The following ATP2B3 variants were observed in gnomAD, a reference collection of about 807,000 sequenced individuals.
The protein encoded by ATP2B3 is ATPase plasma membrane Ca2+ transporting 3.
A neutral mutation model predicts 70.8 loss-of-function variants in ATP2B3; 12 were observed. The ratio of observed to expected loss-of-function variants is 0.17; its 90% CI spans 0.11 to 0.27. ATP2B3 has a LOEUF of 0.27. Among genes scored for constraint, ATP2B3 ranks in the 10% least tolerant of loss-of-function variants. The pLI is 1.00. For synonymous variants in ATP2B3, 460 were observed against 497.8 expected, an observed-to-expected ratio of 0.92 and a Z score of 1.01; for missense variants, 858 against 1,118.5, an observed-to-expected ratio of 0.77 and a Z score of 3.32.
At chrX:153,547,297 C>T (rs190481616) in intron 8 of ATP2B3, among the ~76,000 whole-genome samples, 76 of 110,420 alleles carry the variant, frequency 6.9e-4, no homozygotes, top group South Asian at 2.4e-3. Context: ...ACAGGACCCA[C>T]CAGGGAAGAA....
Position 153,558,237 on chromosome X carries a change from G to T in ATP2B3, c.2559G>T (p.Leu853=). 9.9e-6 allele frequency: 12 copies of T among 1,211,958 alleles called. No homozygotes were observed. Among genetic ancestry groups the T allele is most frequent in the Non-Finnish European group, 1.3e-5 (12 of 895,503 alleles). Residue 853 remains leucine (L), a synonymous_variant, in exon 17 of 22, where the codon CTG becomes CTT. Transcript: ENST00000263519. ...TCTATGACAGCATCTCCAAGTTCCT[G>T]CAGTTTCAACTGACGGTCAATGTGG... is the stretch of plus-strand genomic sequence containing the variant. ...RNVYDSISKF[L]QFQLTVNVVA...
rs1423416125 is a variant in ATP2B3 at position 153,580,451 on chromosome X, C to G, written c.*153C>G. 8 of 545,607 alleles carry G rather than the reference C, an allele frequency of 1.5e-5. No homozygotes were observed. Among genetic ancestry groups the G allele is most frequent in the Non-Finnish European group, 1.4e-5 (5 of 348,815 alleles). The allele number at this position is 545,607 out of a possible 1,213,427, so 45.0% of individuals were successfully genotyped here. A position where few individuals can be genotyped will look rare whatever the true frequency, so the allele number is the denominator to read the frequency against. On this transcript the variant is annotated 3_prime_UTR_variant, in exon 22 of 22. Transcript: ENST00000263519. ...GAAGACCTTTCTGGCAGGGCATTTG[C>G]AAGGACCCAAATCCATTCAACAAGG...
In ATP2B3 at chrX:153,556,924, C is replaced by G; in HGVS notation, c.2334C>G (p.Ile778Met). 1 of 1,188,523 alleles carries G rather than the reference C, an allele frequency of 8.4e-7. No homozygotes were observed. The highest frequency in any genetic ancestry group is 1.1e-6 in the Non-Finnish European group (1 of 883,321). Residue 778 changes from isoleucine to methionine, a missense_variant, in exon 16 of 22, where the codon ATC (isoleucine) becomes ATG (methionine). Transcript: ENST00000263519. Reference protein sequence around the residue: ...TDKHTLVKGIIDSTTGEQRQV... With the variant: ...TDKHTLVKGIMDSTTGEQRQV... ...CCCTGATCTGTCTTCCAGGGATTAT[C>G]GACAGCACCACTGGTGAGCAGCGGC...
chrX:153,547,688 G>A, intron 8 of ATP2B3, 147 bp from the exon 9 acceptor site: 1 of 734,294 alleles, frequency 1.4e-6, no homozygotes, highest in Non-Finnish European at 1.8e-6. Context: ...CGAGAGAAGG[G>A]AAGCTGATAG....
rs1229998618 is a variant in ATP2B3, at chrX:153,556,813, AG to A, written c.2327-101del. The A allele has an allele frequency of 2.7e-5, 22 of 824,680 alleles. No individual in the cohort carries two copies. The African/African-American group carries it at 4.3e-4, about 16-fold the overall frequency. 68.0% of individuals were successfully genotyped at this position (824,680 alleles called of 1,213,427 possible). On this transcript the variant is annotated intron_variant, in intron 15 of 21. Transcript: ENST00000263519. ...GACAGTCAGGACGGGGTAATCCCAA[AG>A]GGTTTTCACAGCCAACCTACCCCCA...
chrX:153,523,068 T>C (rs2089980844), intron 2 of ATP2B3, among the ~76,000 whole-genome samples: 1 of 112,263 alleles, frequency 8.9e-6, no homozygotes, highest in African/African-American at 3.2e-5. Flanking sequence ...CATTATACCA[T>C]GGGCTCAATT....
Position 153,541,455 on chromosome X carries a change from T to G in ATP2B3, c.305T>G (p.Val102Gly). Residue 102 changes from valine to glycine, a missense_variant, in exon 4 of 22, where the codon GTG becomes GGG. By Grantham distance (109) the Val-to-Gly change is moderately radical. This residue lies in a region of ATP2B3 where 278 missense variants were observed against 366.2 expected (regional missense o/e 0.76). Coordinates refer to ENST00000263519, the MANE Select transcript of ATP2B3 (RefSeq NM_001001344.3). The part of the protein sequence containing the change: ...PKQPKTFLQL[V>G]WEALQDVTLI... ...CAACCCAAGACCTTCCTGCAGCTGGTGTGGGAGGCCCTGCAGGACGTGACC... is the reference window on the plus strand; with the variant it reads ...CAACCCAAGACCTTCCTGCAGCTGGGGTGGGAGGCCCTGCAGGACGTGACC... 8.3e-7 allele frequency: 1 copy of G among 1,211,445 alleles called. No individual in the cohort carries two copies. The highest frequency in any genetic ancestry group is 1.1e-6 in the Non-Finnish European group (1 of 895,418).
chrX:153,562,262 C>G lies in ATP2B3; in HGVS notation c.3159+20C>G. On this transcript the variant is annotated intron_variant, in intron 20 of 21. Transcript: ENST00000263519. ...GGACAGGTGAGTGACAGCCCTGCCC[C>G]TCATTTCAGACTGCCCTGCAGACAG... is the stretch of plus-strand genomic sequence containing the variant. 1 of 1,185,420 alleles carries G rather than the reference C, an allele frequency of 8.4e-7. No individual in the cohort carries two copies. The highest frequency in any genetic ancestry group is 1.1e-6 in the Non-Finnish European group (1 of 873,920).
At chrX:153,553,368 G>A in intron 13 of ATP2B3, 99 bp downstream of exon 13, 1 of 732,797 alleles carries the variant, frequency 1.4e-6, no homozygotes, top group Non-Finnish European at 2.0e-6. Context: ...CACAGCTGCT[G>A]CGGTCCCTCC....
At chrX:153,575,041 G>A (rs782274109) in intron 21 of ATP2B3, 39 of 234,105 alleles carry the variant, frequency 1.7e-4, no homozygotes, top group Non-Finnish European at 2.6e-4. Flanking sequence ...CTAAGGATGC[G>A]TACTTGAGCT....
At chrX:153,575,734 G>C (rs1378150134) in intron 21 of ATP2B3, among the ~76,000 whole-genome samples, 1 of 112,413 alleles carries the variant, frequency 8.9e-6, no homozygotes, top group Non-Finnish European at 1.9e-5. Flanking sequence ...GCCGACAGGT[G>C]GAATGGAAGG....
chrX:153,558,264 G>A lies in ATP2B3; in HGVS notation c.2586G>A (p.Val862=). 1 of 1,211,855 alleles carries A rather than the reference G, an allele frequency of 8.3e-7. No individual in the cohort carries two copies. Among genetic ancestry groups the A allele is most frequent in the African/African-American group, 1.7e-5 (1 of 57,902 alleles). The change falls in exon 17 of 22, where the codon GTG becomes GTA. Residue 862 remains valine, a synonymous_variant. Coordinates refer to ENST00000263519, the MANE Select transcript of ATP2B3 (RefSeq NM_001001344.3). ...AGTTTCAACTGACGGTCAATGTGGTGGCTGTGATCGTGGCCTTCACAGGTG... is the reference window on the plus strand; with the variant it reads ...AGTTTCAACTGACGGTCAATGTGGTAGCTGTGATCGTGGCCTTCACAGGTG... ...FLQFQLTVNV[V]AVIVAFTGAC... is the part of the protein sequence containing the mutation.
intron 20 of ATP2B3, among the ~76,000 whole-genome samples, chrX:153,564,603 T>C (rs1372941324): frequency 8.9e-6 from 1 of 112,975 alleles, no homozygotes; most frequent in African/African-American, 3.2e-5. Flanking sequence ...TCATCAGCTC[T>C]GACTGCCATA....
chrX:153,561,166 G>A (rs1295625603), intron 19 of ATP2B3, among the ~76,000 whole-genome samples: 2 of 112,189 alleles, frequency 1.8e-5, no homozygotes, highest in Admixed American at 1.9e-4. Context: ...ACAGATGCTG[G>A]AAGGAGTCCT....
chrX:153,532,601 C>T (rs782735150), intron 2 of ATP2B3, among the ~76,000 whole-genome samples: 54 of 112,235 alleles, frequency 4.8e-4, no homozygotes, highest in Admixed American at 8.4e-4. Context: ...TCTCCCACCA[C>T]GAGGCCGGCC....
rs2090308134 is a variant in ATP2B3, at chrX:153,542,862, C to G, written c.791-181C>G. 4.4e-5 allele frequency among the ~76,000 whole-genome samples: 5 copies of G among 113,301 alleles called. No homozygotes were observed. In the Admixed American group the frequency reaches 4.6e-4, roughly 10 times the overall value. On this transcript the variant is annotated intron_variant, in intron 6 of 21. Coordinates refer to ENST00000263519, the MANE Select transcript of ATP2B3 (RefSeq NM_001001344.3). ...AAACGGGACAGGAAGGCTGGAGGCC[C>G]TAGGTGGGCCCTGTGGGCCTCGGGG...
intron 21 of ATP2B3, 22 bp downstream of exon 21, chrX:153,565,125 C>A (rs1557017776): frequency 8.6e-7 from 1 of 1,157,484 alleles, no homozygotes; most frequent in African/African-American, 1.8e-5. Context: ...CTCGCTCTCG[C>A]CCTGGCACTT....
chrX:153,550,724 G>A (rs1195936537), intron 12 of ATP2B3, among the ~76,000 whole-genome samples: 1 of 110,716 alleles, frequency 9.0e-6, no homozygotes, highest in Non-Finnish European at 1.9e-5. Flanking sequence ...AGTGTCCCCC[G>A]TAGCTGGGAT....
intron 7 of ATP2B3, among the ~76,000 whole-genome samples, chrX:153,544,862 C>T (rs2090340359): frequency 8.9e-6 from 1 of 112,853 alleles, no homozygotes; most frequent in African/African-American, 3.2e-5. Flanking sequence ...CTGCCTCCCT[C>T]CTCCAGAGGC....
Sources: gnomAD v4.1 joint callset for allele counts (sites outside exome capture counted in the v4.1 genomes callset) on GRCh38, gnomAD v4.1.1 for gene constraint, gnomAD v4.1.1 regional missense constraint, MANE v1.5 for transcripts, NCBI Gene and HGNC (gene_info 2026-07-23, HGNC 2026-07-21) for gene names.